Variants in FOCAD observed in about 807,000 individuals in gnomAD.
The protein encoded by FOCAD is KIAA1797.
Under a neutral mutation model 225.6 loss-of-function variants are expected in FOCAD, and 198 were observed. The ratio of observed to expected loss-of-function variants is 0.88; its 90% confidence interval spans 0.78 to 0.99. The LOEUF (loss-of-function observed/expected upper bound fraction) is 0.99. FOCAD is among the 50% of genes least tolerant of loss of function. The pLI, the probability that FOCAD is intolerant of heterozygous loss-of-function variation, is 0.00. For synonymous variants in FOCAD, 897 were observed against 755.0 expected (o/e 1.19, Z -3.08); for missense variants, 2,713 against 2,123.6 (o/e 1.28, Z -5.46).
At chr9:20,824,579 A>G (rs1462354046) in intron 15 of FOCAD, among the ~76,000 whole-genome samples, 1 of 152,044 alleles carries the variant, frequency 6.6e-6, no homozygotes, top group Non-Finnish European at 1.5e-5. Context: ...TTTCTCTAAG[A>G]CATCATCATT....
At chr9:20,854,575 A>G (rs1401768209) in intron 15 of FOCAD, among the ~76,000 whole-genome samples, 2 of 151,706 alleles carry the variant, frequency 1.3e-5, no homozygotes, top group Non-Finnish European at 3.0e-5. Flanking sequence ...TTTAATCTGT[A>G]CTGTTTAGTG....
intron 16 of FOCAD, among the ~76,000 whole-genome samples, chr9:20,864,082 A>G (rs765284997): frequency 6.6e-6 from 1 of 152,004 alleles, no homozygotes; most frequent in Non-Finnish European, 1.5e-5. Context: ...TTCAGTGAAC[A>G]TAGTCCCCTT....
rs1361102621 is a variant in FOCAD, at chr9:20,874,675, T to A, written c.2191-6T>A. The A allele has an allele frequency of 6.2e-7, 1 of 1,612,786 alleles. No homozygotes were observed. Among genetic ancestry groups the A allele is most frequent in the Non-Finnish European group, 8.5e-7 (1 of 1,179,338 alleles). ...CTCTCTATGATCTTTTCGCTTATCA[T>A]TTCAGATAAGACCAGAAATTCCCAT... is the stretch of plus-strand genomic sequence containing the variant. On this transcript the variant is annotated splice_region_variant and splice_polypyrimidine_tract_variant and intron_variant, in intron 18 of 43. Transcript: ENST00000338382.
intron 4 of FOCAD, among the ~76,000 whole-genome samples, chr9:20,733,927 A>G (rs1184011521): frequency 2.0e-5 from 3 of 152,190 alleles, no homozygotes; most frequent in Non-Finnish European, 2.9e-5. Context: ...CTTGAGCTCA[A>G]GAGGTCGAGG....
chr9:20,939,790 A>T (rs747934239), intron 28 of FOCAD, among the ~76,000 whole-genome samples: 2 of 148,052 alleles, frequency 1.4e-5, no homozygotes, highest in Non-Finnish European at 3.0e-5. Flanking sequence ...TCTAGGGTAC[A>T]TGTGCACAAC....
chr9:20,704,434 T>C (rs549011814), intron 1 of FOCAD, among the ~76,000 whole-genome samples: 3 of 152,334 alleles, frequency 2.0e-5, no homozygotes, highest in South Asian at 2.1e-4. Flanking sequence ...ATGAGCTTGA[T>C]TGGTCACTTT....
intron 1 of FOCAD, among the ~76,000 whole-genome samples, chr9:20,687,566 T>A (rs1822741312): frequency 6.6e-6 from 1 of 152,228 alleles, no homozygotes; most frequent in Non-Finnish European, 1.5e-5. Context: ...CCAAACCTGA[T>A]TTTAGTATAT....
At chr9:20,681,962 A>G (rs1442384804), upstream of FOCAD, among the ~76,000 whole-genome samples, 1 of 152,122 alleles carries the variant, frequency 6.6e-6, no homozygotes, top group Non-Finnish European at 1.5e-5. Flanking sequence ...GTGTCCCCCA[A>G]AGTTAATGTG....
intron 40 of FOCAD, 38 bp from the exon 41 acceptor site, chr9:20,988,294 A>G (rs1167614052): frequency 3.8e-6 from 5 of 1,306,950 alleles, no homozygotes; most frequent in Non-Finnish European, 5.5e-6. Context: ...TTCAAAGGAA[A>G]ACCATGGTCT....
chr9:20,768,695 CA>C (rs1172449977), intron 7 of FOCAD, among the ~76,000 whole-genome samples: 35 of 152,290 alleles, frequency 2.3e-4, no homozygotes, highest in African/African-American at 8.2e-4. Context: ...AATAACCATG[CA>C]ACCTTGTTGA....
In FOCAD at chr9:20,990,912, C is replaced by T. The variant is rs566127599; in HGVS notation, c.5256+538C>T. On this transcript the variant is annotated intron_variant, in intron 42 of 43. Coordinates refer to ENST00000338382, the MANE Select transcript of FOCAD (RefSeq NM_001375567.1). ...ATTGCACAGATATGCTCCAGGCACCCAGTGTGCCCTGGTCTGTGCTAGATG... is the reference window on the plus strand; with the variant it reads ...ATTGCACAGATATGCTCCAGGCACCTAGTGTGCCCTGGTCTGTGCTAGATG... Among the ~76,000 whole-genome samples the T allele has an allele frequency of 2.1e-3, 321 of 152,276 alleles. 1 individual carries two copies. Among genetic ancestry groups the T allele is most frequent in the African/African-American group, 7.3e-3 (304 of 41,530 alleles).
At chr9:20,920,237 G>A (rs1266560791) in intron 24 of FOCAD, among the ~76,000 whole-genome samples, 2 of 148,666 alleles carry the variant, frequency 1.3e-5, no homozygotes, top group African/African-American at 2.5e-5. Flanking sequence ...GGCCATCAGA[G>A]AAATGCAAAT....
At chr9:20,838,625 C>G (rs1337916979) in intron 15 of FOCAD, among the ~76,000 whole-genome samples, 7 of 152,072 alleles carry the variant, frequency 4.6e-5, no homozygotes, top group African/African-American at 9.7e-5. Flanking sequence ...CTCAGGTACT[C>G]TATCCATGTT....
intron 28 of FOCAD, among the ~76,000 whole-genome samples, chr9:20,933,829 C>A (rs893039857): frequency 2.0e-5 from 3 of 152,118 alleles, no homozygotes; most frequent in African/African-American, 7.2e-5. Flanking sequence ...TACACTCCCA[C>A]TAGCAGTGTA....
intron 15 of FOCAD, among the ~76,000 whole-genome samples, chr9:20,841,862 T>C (rs1826564260): frequency 2.0e-5 from 3 of 151,942 alleles, no homozygotes; most frequent in Admixed American, 2.0e-4. Context: ...TTGATGTTTT[T>C]CTACTTTATT....
At chr9:20,680,586 C>G (rs1470412792), upstream of FOCAD, among the ~76,000 whole-genome samples, 2 of 151,958 alleles carry the variant, frequency 1.3e-5, no homozygotes, top group African/African-American at 4.8e-5. Flanking sequence ...AATTTATATC[C>G]CAGTGCATAA....
intron 4 of FOCAD, among the ~76,000 whole-genome samples, chr9:20,729,082 C>A (rs1008854938): frequency 2.0e-5 from 3 of 152,300 alleles, no homozygotes; most frequent in South Asian, 2.1e-4. Context: ...GGAGCTGGAT[C>A]AGTCAGCTCT....
chr9:20,793,406 C>G lies in FOCAD; in HGVS notation c.1455+3798C>G, dbSNP rs186830472. On this transcript the variant is annotated intron_variant, in intron 11 of 43. Coordinates refer to ENST00000338382, the MANE Select transcript of FOCAD (RefSeq NM_001375567.1). Reference sequence around the variant, plus strand: ...GTTTTCCCGGTTGTGTGCAAAAAGCCTAGAGTTTATACACAGGGAAGTAGT... The same window carrying G: ...GTTTTCCCGGTTGTGTGCAAAAAGCGTAGAGTTTATACACAGGGAAGTAGT... Among the ~76,000 whole-genome samples, 3 of 152,282 alleles carry G rather than the reference C, an allele frequency of 2.0e-5. No homozygotes were observed. The East Asian group carries it at 5.8e-4, about 29-fold the overall frequency.
chr9:20,838,952 C>T (rs889478088), intron 15 of FOCAD, among the ~76,000 whole-genome samples: 1 of 151,998 alleles, frequency 6.6e-6, no homozygotes, highest in Non-Finnish European at 1.5e-5. Flanking sequence ...TGGTGGTTTC[C>T]TTACTTGCAC....
Sources: allele counts gnomAD v4.1 joint callset (sites outside exome capture counted in the v4.1 genomes callset), GRCh38; gene constraint gnomAD v4.1.1; transcripts MANE v1.5; gene names NCBI Gene and HGNC (gene_info 2026-07-23, HGNC 2026-07-21).